The following RBFOX1 variants were observed in gnomAD, a reference collection of about 807,000 sequenced individuals.
RBFOX1 encodes RNA binding fox-1 homolog 1, also known as RNA binding protein fox-1 homolog 1.
In RBFOX1, 8 loss-of-function variants were observed where a neutral mutation model predicts 57.7. The observed-to-expected ratio is 0.14, with a 90% CI of 0.08 to 0.25. The LOEUF (loss-of-function observed/expected upper bound fraction) is 0.25, where lower values mean the gene tolerates loss of function less well. RBFOX1 is among the 10% of genes least tolerant of loss of function. The probability of loss-of-function intolerance (pLI) is 1.00; values close to 1 mark genes in which losing one functional copy is unlikely to be tolerated. For synonymous variants in RBFOX1, 326 were observed against 222.4 expected, an observed-to-expected ratio of 1.47 and a Z score of -4.15; for missense variants, 611 against 548.5, an observed-to-expected ratio of 1.11 and a Z score of -1.14.
intron 3 of RBFOX1, among the ~76,000 whole-genome samples, chr16:6,938,564 A>AT (rs35962800): frequency 0.58 from 88,039 of 151,738 alleles, 26,783 homozygotes; most frequent in African/African-American, 0.77. Context: ...GAATTACTGT[A>AT]TTTTTTCTCT....
intron 3 of RBFOX1, among the ~76,000 whole-genome samples, chr16:6,856,777 C>G (rs973088321): frequency 6.6e-6 from 1 of 152,138 alleles, no homozygotes; most frequent in Non-Finnish European, 1.5e-5. Flanking sequence ...CACTCAAGCA[C>G]TAAGGAGATG....
intron 1 of RBFOX1, among the ~76,000 whole-genome samples, chr16:5,293,923 G>A (rs2063597580): frequency 6.6e-6 from 1 of 152,180 alleles, no homozygotes; most frequent in African/African-American, 2.4e-5. Flanking sequence ...TATGTTGTGT[G>A]AATTTTGCCT....
At chr16:6,982,492 G>T (rs530778353) in intron 3 of RBFOX1, among the ~76,000 whole-genome samples, 8 of 152,128 alleles carry the variant, frequency 5.3e-5, no homozygotes, top group Non-Finnish European at 1.2e-4. Context: ...TCGTTGACGA[G>T]GTGGATCCTG....
intron 3 of RBFOX1, among the ~76,000 whole-genome samples, chr16:5,631,675 A>C (rs953759549): frequency 6.6e-6 from 1 of 152,106 alleles, no homozygotes; most frequent in East Asian, 1.9e-4. Flanking sequence ...CTAGAACGGA[A>C]GCTACTTGAT....
chr16:5,645,629 T>A (rs1405640299), intron 3 of RBFOX1, among the ~76,000 whole-genome samples: 3 of 152,338 alleles, frequency 2.0e-5, no homozygotes, highest in East Asian at 3.9e-4. Context: ...TGAATTTCCT[T>A]GGGAAAGATT....
rs1012098573 is a variant in RBFOX1, at chr16:6,301,545, T to C, written c.-126-15450T>C. On this transcript the variant is annotated intron_variant, in intron 1 of 15. Coordinates refer to ENST00000550418, the MANE Select transcript of RBFOX1 (RefSeq NM_018723.4). ...TGTGAGTAAAATTAACTCCATGTTG[T>C]GAAGATTTTCAAATGAAAAAAATAT... Among the ~76,000 whole-genome samples, 7 of 152,150 alleles carry C rather than the reference T, an allele frequency of 4.6e-5. No individual in the cohort carries two copies. The South Asian group carries it at 8.3e-4, about 18-fold the overall frequency.
chr16:7,258,573 A>T (rs1000135982), intron 4 of RBFOX1, among the ~76,000 whole-genome samples: 1 of 152,148 alleles, frequency 6.6e-6, no homozygotes, highest in Non-Finnish European at 1.5e-5. Flanking sequence ...TCTGTAATTT[A>T]CTCATAAGTA....
At chr16:6,317,140 C>T (rs2081210279) in intron 2 of RBFOX1, 83 bp downstream of exon 2, 2 of 1,333,792 alleles carry the variant, frequency 1.5e-6, no homozygotes, top group Admixed American at 2.1e-5. Flanking sequence ...CTCTTTTCTG[C>T]AGGTTTGAAG....
chr16:6,876,477 C>A (rs1005350809), intron 3 of RBFOX1, among the ~76,000 whole-genome samples: 1 of 152,148 alleles, frequency 6.6e-6, no homozygotes, highest in Non-Finnish European at 1.5e-5. Flanking sequence ...GTTTTTGTCA[C>A]TATTTTATCT....
chr16:7,308,318 GT>G (rs1378977492), intron 4 of RBFOX1, among the ~76,000 whole-genome samples: 2 of 132,944 alleles, frequency 1.5e-5, no homozygotes, highest in Non-Finnish European at 3.2e-5. Flanking sequence ...TTTCCACTGA[GT>G]TTAATGTCCT....
At chr16:7,709,515 A>G (rs2083568883) in intron 15 of RBFOX1, 4 of 1,528,610 alleles carry the variant, frequency 2.6e-6, no homozygotes, top group Non-Finnish European at 3.5e-6. Flanking sequence ...CAGCCCCAGC[A>G]CAGACTTCAG....
At chr16:6,249,477 T>C (rs2097589934) in intron 1 of RBFOX1, among the ~76,000 whole-genome samples, 1 of 152,070 alleles carries the variant, frequency 6.6e-6, no homozygotes, top group Non-Finnish European at 1.5e-5. Flanking sequence ...TGAGCCAAGA[T>C]CGTGCCACTG....
chr16:6,641,051 C>T (rs1453084386), intron 2 of RBFOX1, among the ~76,000 whole-genome samples: 2 of 152,178 alleles, frequency 1.3e-5, no homozygotes, highest in Admixed American at 6.5e-5. Flanking sequence ...GTTCTGCATC[C>T]CACTTTCCCG....
intron 1 of RBFOX1, among the ~76,000 whole-genome samples, chr16:6,207,360 G>A (rs1483916062): frequency 6.6e-6 from 1 of 152,172 alleles, no homozygotes; most frequent in Non-Finnish European, 1.5e-5. Flanking sequence ...CAGCCAAAAG[G>A]TTGCTGCACT....
At chr16:6,938,460 A>G (rs575688278) in intron 3 of RBFOX1, among the ~76,000 whole-genome samples, 6 of 152,288 alleles carry the variant, frequency 3.9e-5, no homozygotes, top group Admixed American at 3.3e-4. Flanking sequence ...TCTTGCCATC[A>G]CTTTTCTTGT....
At chr16:7,469,951 C>T (rs1346147730) in intron 4 of RBFOX1, among the ~76,000 whole-genome samples, 7 of 151,490 alleles carry the variant, frequency 4.6e-5, no homozygotes, top group Admixed American at 4.6e-4. Flanking sequence ...TTGTGACTGG[C>T]TTATTTCTCT....
At chr16:7,316,115 T>A (rs2096432984) in intron 4 of RBFOX1, among the ~76,000 whole-genome samples, 1 of 152,234 alleles carries the variant, frequency 6.6e-6, no homozygotes, top group Non-Finnish European at 1.5e-5. Flanking sequence ...TCCTCTTTAA[T>A]CATGCAGCGT....
chr16:7,226,227 A>G (rs1567790577), intron 4 of RBFOX1, among the ~76,000 whole-genome samples: 2 of 152,198 alleles, frequency 1.3e-5, no homozygotes, highest in Non-Finnish European at 2.9e-5. Context: ...CTCAAGTCAG[A>G]AGCATGGATA....
chr16:7,674,774 G>A (rs1028300313), intron 13 of RBFOX1, among the ~76,000 whole-genome samples: 4 of 152,162 alleles, frequency 2.6e-5, no homozygotes, highest in African/African-American at 9.6e-5. Context: ...TAACCTACTA[G>A]TCAGTGTGGT....
Sources: allele counts gnomAD v4.1 joint callset (sites outside exome capture counted in the v4.1 genomes callset), GRCh38; gene constraint gnomAD v4.1.1; transcripts MANE v1.5; gene names NCBI Gene and HGNC (gene_info 2026-07-23, HGNC 2026-07-21).